ALKBH3: variants seen among roughly 807,000 people sequenced by gnomAD.
ALKBH3 encodes alpha-ketoglutarate-dependent dioxygenase alkB homolog 3.
Under a neutral mutation model 43.9 loss-of-function variants are expected in ALKBH3, and 51 were observed. The ratio of observed to expected loss-of-function variants is 1.16; its 90% CI spans 0.93 to 1.47. ALKBH3 has a LOEUF of 1.47. Among genes scored for constraint, ALKBH3 ranks in the 40% most tolerant of loss-of-function variants. The pLI is 0.00. For synonymous variants in ALKBH3, 102 were observed against 115.2 expected, an observed-to-expected ratio of 0.89 and a Z score of 0.73; for missense variants, 361 against 351.9, an observed-to-expected ratio of 1.03 and a Z score of -0.21.
chr11:43,884,129 A>C, intron 4 of ALKBH3, 112 bp downstream of exon 4: 1 of 1,276,916 alleles, frequency 7.8e-7, no homozygotes, highest in South Asian at 1.3e-5. Flanking sequence ...AAGTGTCTTA[A>C]CTGTAGTCTG....
intron 4 of ALKBH3, among the ~76,000 whole-genome samples, chr11:43,886,275 A>G (rs1448691569): frequency 6.6e-6 from 1 of 152,220 alleles, no homozygotes; most frequent in East Asian, 1.9e-4. Context: ...CACATTCTCC[A>G]GAGGAGTGCT....
chr11:43,889,935 C>A, intron 6 of ALKBH3, 107 bp downstream of exon 6: 1 of 952,256 alleles, frequency 1.1e-6, no homozygotes, highest in Non-Finnish European at 1.6e-6. Flanking sequence ...AACAGAAATT[C>A]AAAACCTGAG....
In ALKBH3 at chr11:43,886,613, G is replaced by T; in HGVS notation, c.226G>T (p.Gly76Cys). The T allele has an allele frequency of 6.2e-7, 1 of 1,613,988 alleles. No individual in the cohort carries two copies. Among genetic ancestry groups the T allele is most frequent in the Non-Finnish European group, 8.5e-7 (1 of 1,179,982 alleles). Reference protein sequence around the residue: ...APEPRVIDREGVYEISLSPTG... With the variant: ...APEPRVIDRECVYEISLSPTG... ...TTTCCTTTGTTTCTTTAGCAGAGAG[G>T]GTGTGTATGAAATCAGCCTGTCACC... The change falls in exon 5 of 10, where the codon GGT becomes TGT. Residue 76 changes from glycine to cysteine, a missense_variant. Coordinates refer to ENST00000302708, the MANE Select transcript of ALKBH3 (RefSeq NM_139178.4).
chr11:43,894,005 G>A (rs1049929930), intron 7 of ALKBH3, among the ~76,000 whole-genome samples: 3 of 152,004 alleles, frequency 2.0e-5, no homozygotes, highest in South Asian at 2.1e-4. Flanking sequence ...GCCACACCCC[G>A]ACCTCTCAGA....
At chr11:43,916,446 GAACATCAAT>G (rs1951983898) in intron 8 of ALKBH3, among the ~76,000 whole-genome samples, 1 of 152,154 alleles carries the variant, frequency 6.6e-6, no homozygotes, top group Non-Finnish European at 1.5e-5. Context: ...GGAAAACCAA[GAACATCAAT>G]AACAAAACCC....
chr11:43,899,618 C>G (rs1951846463), intron 7 of ALKBH3: 1 of 507,500 alleles, frequency 2.0e-6, no homozygotes, highest in Admixed American at 3.2e-5. Flanking sequence ...CCTCGGACAG[C>G]CAGCTCCACC....
intron 6 of ALKBH3, among the ~76,000 whole-genome samples, chr11:43,891,730 G>T (rs1371675832): frequency 6.6e-6 from 1 of 152,308 alleles, no homozygotes; most frequent in African/African-American, 2.4e-5. Context: ...ACCGTCCCTA[G>T]TCTGAGCCCC....
intron 7 of ALKBH3, chr11:43,898,500 A>T (rs983508147): frequency 5.3e-6 from 5 of 942,318 alleles, no homozygotes; most frequent in African/African-American, 4.9e-5. Context: ...TGGTGAGAGC[A>T]CTCGGGGAGG....
At chr11:43,919,895 G>A in intron 9 of ALKBH3, 23 bp from the exon 10 acceptor site, 1 of 1,597,936 alleles carries the variant, frequency 6.3e-7, no homozygotes, top group Non-Finnish European at 8.6e-7. Context: ...ATTTATGTCA[G>A]AGTTATGTGT....
intron 1 of ALKBH3, 137 bp downstream of exon 1, chr11:43,881,316 G>A (rs566174120): frequency 3.3e-5 from 5 of 152,386 alleles, no homozygotes; most frequent in African/African-American, 1.2e-4. Flanking sequence ...TTCCTGGGTT[G>A]AGGGTGGCGT....
intron 4 of ALKBH3, among the ~76,000 whole-genome samples, chr11:43,884,595 G>T (rs1189986537): frequency 6.6e-6 from 1 of 152,154 alleles, no homozygotes; most frequent in Non-Finnish European, 1.5e-5. Flanking sequence ...ATCTGATGTA[G>T]ATAAATTGTC....
chr11:43,907,602 G>A (rs189191523), intron 8 of ALKBH3, among the ~76,000 whole-genome samples: 3 of 152,240 alleles, frequency 2.0e-5, no homozygotes, highest in African/African-American at 2.4e-5. Context: ...AAGCCATCTG[G>A]TATCTGGTGA....
In ALKBH3 at chr11:43,919,993, C is replaced by A. The variant is rs539788893; in HGVS notation, c.844C>A (p.Arg282=). The change falls in exon 10 of 10, where the codon CGA becomes AGA. Residue 282 remains arginine (R), a synonymous_variant. Transcript: ENST00000302708. ...CTTTCGGACAGTCTATCCAGACCCT[C>A]GAGGGGCACCCTGGTGACGTCAGAG... ...LTFRTVYPDP[R]GAPW is the part of the protein sequence containing the mutation. 3.7e-6 allele frequency: 6 copies of A among 1,613,952 alleles called. No individual in the cohort carries two copies. The highest frequency in any genetic ancestry group is 1.6e-4 in the Middle Eastern group (1 of 6,062).
intron 4 of ALKBH3, among the ~76,000 whole-genome samples, chr11:43,884,524 T>C (rs1951734789): frequency 6.6e-6 from 1 of 152,186 alleles, no homozygotes. Flanking sequence ...GTGTCTAAAA[T>C]GTTCTTGTCC....
intron 3 of ALKBH3, among the ~76,000 whole-genome samples, chr11:43,883,424 C>A (rs373653968): frequency 1.3e-4 from 20 of 152,312 alleles, no homozygotes; most frequent in African/African-American, 4.8e-4. Context: ...AAGGAGGTTA[C>A]ACCATAATGA....
At chr11:43,898,321 A>G in intron 7 of ALKBH3, 5 of 719,974 alleles carry the variant, frequency 6.9e-6, no homozygotes, top group Non-Finnish European at 1.3e-5. Context: ...CAGAGAGATC[A>G]TTTGTCAATC....
intron 5 of ALKBH3, among the ~76,000 whole-genome samples, chr11:43,887,981 T>G (rs1951758103): frequency 6.6e-6 from 1 of 151,328 alleles, no homozygotes; most frequent in Non-Finnish European, 1.5e-5. Flanking sequence ...GTATTTTTAG[T>G]AGAGACGAGG....
At chr11:43,919,172 G>A (rs751868324) in intron 9 of ALKBH3, 36 bp downstream of exon 9, 1 of 1,542,092 alleles carries the variant, frequency 6.5e-7, no homozygotes, top group East Asian at 2.2e-5. Flanking sequence ...CTGCTTTCAT[G>A]TGGAGGCAGT....
intron 7 of ALKBH3, chr11:43,898,337 C>A: frequency 1.4e-6 from 1 of 711,454 alleles, no homozygotes; most frequent in Non-Finnish European, 2.6e-6. Flanking sequence ...CAATCTTTGG[C>A]GTGGAGGAAG....
Sources: gnomAD v4.1 joint callset for allele counts (sites outside exome capture counted in the v4.1 genomes callset) on GRCh38, gnomAD v4.1.1 for gene constraint, MANE v1.5 for transcripts, NCBI Gene and HGNC (gene_info 2026-07-23, HGNC 2026-07-21) for gene names.